The following INSL6 variants were observed in gnomAD, a reference collection of about 807,000 sequenced individuals.
INSL6 encodes insulin-like peptide INSL6.
INSL6 carries 16 observed loss-of-function variants against 9.4 expected under a neutral mutation model. The observed-to-expected ratio is 1.70, with a 90% CI of 1.15 to 2.59. The LOEUF is 2.59. Among genes scored for constraint, INSL6 ranks in the 30% most tolerant of loss-of-function variants. INSL6 has a pLI of 0.00. For missense variants in INSL6, 391 were observed against 257.3 expected (o/e 1.52, Z -3.56); for synonymous variants, 154 against 96.9 (o/e 1.59, Z -3.46).
intron 3 of INSL6, among the ~76,000 whole-genome samples, chr9:5,130,368 T>C (rs1474006656): frequency 6.6e-6 from 1 of 152,190 alleles, no homozygotes; most frequent in African/African-American, 2.4e-5. Flanking sequence ...AAGCATAGCT[T>C]TTAGATCTGA....
the INSL6 span, chr9:5,086,212 C>G: frequency 1.7e-6 from 1 of 594,478 alleles, no homozygotes; most frequent in South Asian, 5.1e-5. Context: ...GCCACCAGCG[C>G]GAGGCCACGG....
chr9:5,032,268 A>G, the INSL6 span, among the ~76,000 whole-genome samples: 1 of 152,240 alleles, frequency 6.6e-6, no homozygotes, highest in African/African-American at 2.4e-5. Flanking sequence ...AACTGGGTGG[A>G]GCCCACCACA....
the INSL6 span, among the ~76,000 whole-genome samples, chr9:5,107,519 T>G: frequency 6.6e-6 from 1 of 152,290 alleles, no homozygotes; most frequent in East Asian, 1.9e-4. Flanking sequence ...ATCATTTTAA[T>G]CCTAGGCTTA....
chr9:5,078,458 G>A, the INSL6 span: 6 of 1,603,698 alleles, frequency 3.7e-6, no homozygotes, highest in Non-Finnish European at 4.3e-6. Flanking sequence ...AGTTCTAGAA[G>A]GATTATATAT....
the INSL6 span, among the ~76,000 whole-genome samples, chr9:5,018,199 A>T: frequency 6.6e-6 from 1 of 151,634 alleles, no homozygotes; most frequent in African/African-American, 2.4e-5. Flanking sequence ...ATTGTTTAGC[A>T]TTGTGGTTTG....
intron 1 of INSL6, among the ~76,000 whole-genome samples, chr9:5,173,448 T>A (rs559127505): frequency 8.5e-5 from 13 of 152,170 alleles, no homozygotes; most frequent in Non-Finnish European, 1.2e-4. Flanking sequence ...AATGAGATCA[T>A]GTCCTTTGCA....
the INSL6 span, among the ~76,000 whole-genome samples, chr9:4,999,066 C>G: frequency 4.6e-5 from 7 of 152,060 alleles, no homozygotes; most frequent in Non-Finnish European, 1.0e-4. Flanking sequence ...ACCTTGTGAT[C>G]CACCTGCCTC....
chr9:5,002,626 T>C, the INSL6 span, among the ~76,000 whole-genome samples: 1 of 152,012 alleles, frequency 6.6e-6, no homozygotes, highest in Non-Finnish European at 1.5e-5. Flanking sequence ...TTGTGTTCTG[T>C]AAATGTCAGT....
the INSL6 span, among the ~76,000 whole-genome samples, chr9:5,013,460 GCTT>G: frequency 6.6e-6 from 1 of 152,106 alleles, no homozygotes; most frequent in Non-Finnish European, 1.5e-5. Flanking sequence ...TATATTCTTG[GCTT>G]CTTCTTCAGA....
the INSL6 span, among the ~76,000 whole-genome samples, chr9:5,046,225 A>G: frequency 3.9e-5 from 6 of 152,086 alleles, no homozygotes; most frequent in African/African-American, 1.4e-4. Context: ...CTTTGCAGAG[A>G]TGTCTACTGA....
At chr9:5,101,998 C>T in the INSL6 span, among the ~76,000 whole-genome samples, 1 of 152,170 alleles carries the variant, frequency 6.6e-6, no homozygotes, top group Non-Finnish European at 1.5e-5. Flanking sequence ...CTCTTCTCCT[C>T]CAAAGGATTG....
chr9:5,002,887 C>A, the INSL6 span, among the ~76,000 whole-genome samples: 66 of 151,782 alleles, frequency 4.3e-4, no homozygotes, highest in African/African-American at 1.5e-3. Flanking sequence ...GTCTGTTTTC[C>A]ATCTTAAATT....
At chr9:5,089,305 G>A in the INSL6 span, among the ~76,000 whole-genome samples, 5 of 152,028 alleles carry the variant, frequency 3.3e-5, no homozygotes, top group Non-Finnish European at 5.9e-5. Flanking sequence ...TTGGGAGGCC[G>A]AGTTGGGTGG....
the INSL6 span, among the ~76,000 whole-genome samples, chr9:5,089,110 T>C: frequency 6.6e-6 from 1 of 152,270 alleles, no homozygotes; most frequent in East Asian, 1.9e-4. Context: ...TCATCATTTA[T>C]TTAAATGCTT....
At chr9:5,100,597 A>AT in the INSL6 span, 1 of 152,148 alleles carries the variant, frequency 6.6e-6, no homozygotes, top group Non-Finnish European at 1.5e-5. Context: ...CCCAACAGGC[A>AT]TTTTTCCCCT....
chr9:5,168,217 AG>A (rs540556830), intron 1 of INSL6, among the ~76,000 whole-genome samples: 11 of 152,368 alleles, frequency 7.2e-5, no homozygotes, highest in African/African-American at 2.4e-4. Flanking sequence ...AACCGGGCTG[AG>A]TCAGAGATAG....
At chr9:5,115,127 T>A in the INSL6 span, among the ~76,000 whole-genome samples, 1 of 152,096 alleles carries the variant, frequency 6.6e-6, no homozygotes, top group African/African-American at 2.4e-5. Flanking sequence ...GTGAACAGGC[T>A]ACCTACAGAA....
At chr9:5,058,955 A>G in the INSL6 span, among the ~76,000 whole-genome samples, 68 of 152,288 alleles carry the variant, frequency 4.5e-4, no homozygotes, top group Non-Finnish European at 1.8e-4. Context: ...TATGATTTGC[A>G]AATATTTTCT....
intron 2 of INSL6, among the ~76,000 whole-genome samples, chr9:5,144,939 T>C (rs1380991160): frequency 6.6e-6 from 1 of 152,032 alleles, no homozygotes; most frequent in Admixed American, 6.5e-5. Context: ...CTCTGTGTCT[T>C]TGGGGGCATT....
Sources: allele counts gnomAD v4.1 joint callset (sites outside exome capture counted in the v4.1 genomes callset), GRCh38; gene constraint gnomAD v4.1.1; transcripts MANE v1.5; gene names NCBI Gene and HGNC (gene_info 2026-07-23, HGNC 2026-07-21).